PPP2R2C: variants seen among roughly 807,000 people sequenced by gnomAD.
PPP2R2C encodes protein phosphatase 2, regulatory subunit B, gamma.
A neutral mutation model predicts 45.3 loss-of-function variants in PPP2R2C; 10 were observed. That is an observed-to-expected ratio of 0.22 (90% CI 0.14 to 0.37). The LOEUF is 0.37. Among genes scored for constraint, PPP2R2C ranks in the 10% least tolerant of loss-of-function variants. PPP2R2C has a pLI of 1.00. For missense variants in PPP2R2C, 308 were observed against 619.7 expected, an observed-to-expected ratio of 0.50 and a Z score of 5.34; for synonymous variants, 257 against 245.4, an observed-to-expected ratio of 1.05 and a Z score of -0.44.
chr4:6,340,518 C>G (rs959717092), intron 6 of PPP2R2C, among the ~76,000 whole-genome samples: 1 of 152,190 alleles, frequency 6.6e-6, no homozygotes, highest in Non-Finnish European at 1.5e-5. Flanking sequence ...AGCCTGAAGC[C>G]ATCCCCGACC....
At chr4:6,476,601 A>G (rs1251329002), upstream of PPP2R2C, among the ~76,000 whole-genome samples, 1 of 152,158 alleles carries the variant, frequency 6.6e-6, no homozygotes, top group Admixed American at 6.5e-5. Flanking sequence ...TGAAAAATAG[A>G]TTGTGGTTTA....
At chr4:6,518,671 C>T (rs144644629) in intron 2 of PPP2R2C, among the ~76,000 whole-genome samples, 1,956 of 151,926 alleles carry the variant, frequency 0.013, 22 homozygotes, top group Middle Eastern at 0.031. Flanking sequence ...GCCTGTAATC[C>T]CAGCACTTTG....
At chr4:6,560,872 C>T (rs897029745) in intron 1 of PPP2R2C, among the ~76,000 whole-genome samples, 1 of 152,258 alleles carries the variant, frequency 6.6e-6, no homozygotes, top group African/African-American at 2.4e-5. Flanking sequence ...CCTCCTGCCA[C>T]CTCCCCAACC....
intron 7 of PPP2R2C, among the ~76,000 whole-genome samples, chr4:6,333,186 C>T (rs55985332): frequency 0.32 from 49,060 of 152,022 alleles, 8,112 homozygotes; most frequent in Non-Finnish European, 0.35. Context: ...ACGCTTAACC[C>T]TCTTTAATGG....
intron 1 of PPP2R2C, among the ~76,000 whole-genome samples, chr4:6,441,403 C>T (rs910632241): frequency 2.0e-5 from 3 of 152,026 alleles, no homozygotes; most frequent in African/African-American, 4.8e-5. Context: ...GCTCCTCAGC[C>T]CGCCCCATGA....
chr4:6,401,348 G>A lies in PPP2R2C; in HGVS notation c.71-20254C>T, dbSNP rs13150637. Among the ~76,000 whole-genome samples, 1,267 of 152,248 alleles carry A rather than the reference G, an allele frequency of 8.3e-3. 7 individuals carry two copies. Among genetic ancestry groups the A allele is most frequent in the Middle Eastern group, 0.041 (12 of 294 alleles). On this transcript the variant is annotated intron_variant, in intron 1 of 8. Transcript: ENST00000382599. The stretch of plus-strand genomic sequence containing the variant: ...CTGTTTCCGAGTATTGTCAGGAACC[G>A]TCTTTGGACTGCCTCCTTCACTTCT...
At chr4:6,499,585 T>G (rs1013781134) in intron 2 of PPP2R2C, among the ~76,000 whole-genome samples, 1 of 152,148 alleles carries the variant, frequency 6.6e-6, no homozygotes, top group Non-Finnish European at 1.5e-5. Context: ...CTGACGAAAA[T>G]GCATCAAGGG....
intron 5 of PPP2R2C, chr4:6,349,014 C>G (rs999096501): frequency 2.0e-6 from 2 of 985,294 alleles, no homozygotes; most frequent in Admixed American, 6.1e-5. Context: ...TCACAACCTC[C>G]CCGGCCCCAG....
rs1472681121 is a variant in PPP2R2C, at chr4:6,532,449, C to T, written c.49+2822G>A. On this transcript the variant is annotated intron_variant, in intron 2 of 9. Transcript: ENST00000506140. ...GGGCACCCCCAATCCCCATTTTGGG[C>T]CAGGCCTTCCAAACACAGAAACAAA... Among the ~76,000 whole-genome samples the T allele has an allele frequency of 2.6e-5, 4 of 152,236 alleles. No individual in the cohort carries two copies. The East Asian group carries it at 7.7e-4, about 29-fold the overall frequency.
chr4:6,536,022 C>T (rs1361937951), intron 1 of PPP2R2C, among the ~76,000 whole-genome samples: 1 of 152,172 alleles, frequency 6.6e-6, no homozygotes, highest in Non-Finnish European at 1.5e-5. Context: ...CCCGCACCAC[C>T]CCCACCCCTG....
chr4:6,464,390 T>A (rs1721485836), intron 1 of PPP2R2C, among the ~76,000 whole-genome samples: 1 of 152,064 alleles, frequency 6.6e-6, no homozygotes, highest in Admixed American at 6.6e-5. Flanking sequence ...AGCTTCAGAC[T>A]CTCTCCTGAG....
intron 1 of PPP2R2C, among the ~76,000 whole-genome samples, chr4:6,397,877 T>C (rs1183037185): frequency 6.6e-6 from 1 of 152,146 alleles, no homozygotes; most frequent in African/African-American, 2.4e-5. Flanking sequence ...AGGAACACAG[T>C]TGGAGGATTT....
At chr4:6,491,977 A>G (rs62286087) in intron 2 of PPP2R2C, among the ~76,000 whole-genome samples, 19,086 of 152,168 alleles carry the variant, frequency 0.13, 1,399 homozygotes, top group Non-Finnish European at 0.17. Flanking sequence ...GGCTCCATCC[A>G]CTGGCTCTGC....
At chr4:6,388,056 G>A (rs1220377692) in intron 1 of PPP2R2C, among the ~76,000 whole-genome samples, 1 of 152,184 alleles carries the variant, frequency 6.6e-6, no homozygotes, top group African/African-American at 2.4e-5. Flanking sequence ...CGAGCTCAGG[G>A]CCCCAGATCA....
intron 1 of PPP2R2C, among the ~76,000 whole-genome samples, chr4:6,559,048 G>A (rs575838485): frequency 5.3e-5 from 8 of 152,344 alleles, no homozygotes; most frequent in Non-Finnish European, 8.8e-5. Context: ...AATGCCAGGG[G>A]AACACTGCGC....
chr4:6,462,947 C>T (rs1316355776), intron 1 of PPP2R2C, among the ~76,000 whole-genome samples: 1 of 152,194 alleles, frequency 6.6e-6, no homozygotes, highest in African/African-American at 2.4e-5. Flanking sequence ...CCAGCAGTCC[C>T]TTCCACAGAG....
intron 6 of PPP2R2C, among the ~76,000 whole-genome samples, chr4:6,343,943 A>G (rs1046112466): frequency 1.9e-4 from 29 of 152,370 alleles, no homozygotes; most frequent in African/African-American, 5.5e-4. Context: ...AAGCATACAT[A>G]AAACCTTAGT....
At position 6,351,430 on chromosome 4, in the gene PPP2R2C, C is replaced by T. The variant is rs190814140; in HGVS notation, c.626-3420G>A. ...GCAACCCAGGGCCGGCTGAGGGGCA[C>T]GGACACTCAATCGAGCACCCCATGT... is the stretch of plus-strand genomic sequence containing the variant. On this transcript the variant is annotated intron_variant, in intron 5 of 8. Transcript: ENST00000382599. The T allele has an allele frequency of 4.9e-5, 45 of 919,304 alleles. 1 individual carries two copies. Among genetic ancestry groups the T allele is most frequent in the Middle Eastern group, 5.5e-4 (1 of 1,818 alleles). 56.9% of individuals were successfully genotyped at this position (919,304 alleles called of 1,614,324 possible).
intron 1 of PPP2R2C, among the ~76,000 whole-genome samples, chr4:6,469,946 G>A (rs1279231541): frequency 1.1e-4 from 17 of 152,220 alleles, no homozygotes; most frequent in Admixed American, 1.1e-3. Context: ...CAGGCACAAG[G>A]CCAGGCCTTG....
Sources: gnomAD v4.1 joint callset for allele counts (sites outside exome capture counted in the v4.1 genomes callset) on GRCh38, gnomAD v4.1.1 for gene constraint, MANE v1.5 for transcripts, NCBI Gene and HGNC (gene_info 2026-07-23, HGNC 2026-07-21) for gene names.